WDR44: variants seen among roughly 807,000 people sequenced by gnomAD.
The protein encoded by WDR44 is WD repeat-containing protein 44.
A neutral mutation model predicts 65.7 loss-of-function variants in WDR44; 9 were observed. The ratio of observed to expected loss-of-function variants is 0.14; its 90% confidence interval spans 0.08 to 0.24. The LOEUF is 0.24. Among genes scored for constraint, WDR44 ranks in the 10% least tolerant of loss-of-function variants. The pLI is 1.00. For synonymous variants in WDR44, 220 were observed against 235.2 expected (o/e 0.94, Z 0.59); for missense variants, 425 against 670.9 (o/e 0.63, Z 4.05).
chrX:118,348,786 T>G (rs1442802450), intron 1 of WDR44, among the ~76,000 whole-genome samples: 3 of 111,884 alleles, frequency 2.7e-5, no homozygotes, highest in Non-Finnish European at 5.6e-5. Context: ...ATATTGGTCA[T>G]CAGAAATATG....
intron 9 of WDR44, among the ~76,000 whole-genome samples, chrX:118,405,278 C>T (rs1231956102): frequency 2.8e-5 from 3 of 105,955 alleles, no homozygotes; most frequent in Non-Finnish European, 5.8e-5. Flanking sequence ...TCAGGTGATC[C>T]ACCCACTTCT....
chrX:118,391,869 T>C (rs5956049), intron 3 of WDR44, among the ~76,000 whole-genome samples: 47,280 of 109,793 alleles, frequency 0.43, 10,631 homozygotes, highest in African/African-American at 0.85. Context: ...ATCTCAGCTT[T>C]TAGGGAGGCT....
rs1467002083 is a variant in WDR44, at chrX:118,406,887, A to T, written c.1394A>T (p.Asp465Val). 8.3e-7 allele frequency: 1 copy of T among 1,209,512 alleles called. No homozygotes were observed. Among genetic ancestry groups the T allele is most frequent in the Non-Finnish European group, 1.1e-6 (1 of 894,277 alleles). The part of the protein sequence containing the change: ...KSVRDEVFHT[D>V]QDDPSSSDDE... ...CTTTTCTGTTCAGTGTTTCATACTG[A>T]TCAAGATGATCCTTCATCAAGTGAT... Residue 465 changes from aspartate (D) to valine (V), a missense_variant, in exon 10 of 20, where the codon GAT becomes GTT. By Grantham distance (152) the Asp-to-Val change is radical. Coordinates refer to ENST00000254029, the MANE Select transcript of WDR44 (RefSeq NM_019045.5).
intron 19 of WDR44, 66 bp downstream of exon 19, chrX:118,444,560 A>T: frequency 9.0e-7 from 1 of 1,115,078 alleles, no homozygotes; most frequent in Non-Finnish European, 1.2e-6. Flanking sequence ...ATCTCATTTG[A>T]GTATAATAAG....
chrX:118,378,382 C>G, intron 1 of WDR44, 37 bp from the exon 2 acceptor site: 1 of 1,163,258 alleles, frequency 8.6e-7, no homozygotes, highest in Non-Finnish European at 1.2e-6. Context: ...TTCTCATCTC[C>G]TCTATTCAAC....
intron 3 of WDR44, among the ~76,000 whole-genome samples, chrX:118,391,668 C>T (rs749972732): frequency 9.0e-6 from 1 of 111,628 alleles, no homozygotes; most frequent in African/African-American, 3.2e-5. Context: ...TAATAGAAAG[C>T]CTGTTTATAT....
chrX:118,387,452 A>G, intron 3 of WDR44, 38 bp downstream of exon 3: 1 of 1,008,880 alleles, frequency 9.9e-7, no homozygotes, highest in Non-Finnish European at 1.4e-6. Context: ...TTTATAGCAG[A>G]CATCATATTT....
chrX:118,402,233 C>T (rs1345881767), intron 8 of WDR44, among the ~76,000 whole-genome samples: 3 of 102,472 alleles, frequency 2.9e-5, no homozygotes, highest in Admixed American at 1.1e-4. Context: ...CAGGAGTTCA[C>T]GACCAGCCCG....
chrX:118,359,205 A>T (rs2802604), intron 1 of WDR44, among the ~76,000 whole-genome samples: 11,763 of 112,086 alleles, frequency 0.1, 629 homozygotes, highest in Admixed American at 0.25. Context: ...TGATTTCTCT[A>T]GGCAGGCATA....
rs2057375754 is a variant in WDR44, at chrX:118,449,845, G to A, written c.*858G>A. 1 of 111,867 alleles carries A rather than the reference G, an allele frequency of 8.9e-6. No homozygotes were observed. The allele number at this position is 111,867 out of a possible 1,213,427, so 9.2% of individuals were successfully genotyped here. On this transcript the variant is annotated 3_prime_UTR_variant, in exon 20 of 20. Coordinates refer to ENST00000254029, the MANE Select transcript of WDR44 (RefSeq NM_019045.5). ...AAGCCTTTGTAAATATCAATATAAT[G>A]TACCAATGAAATAACATCTGGGGCA...
chrX:118,364,594 A>T (rs905858678), intron 1 of WDR44, among the ~76,000 whole-genome samples: 6 of 112,470 alleles, frequency 5.3e-5, no homozygotes, highest in Non-Finnish European at 1.1e-4. Context: ...CACATGGTAG[A>T]TAACCAATAA....
At chrX:118,358,190 A>G (rs1453183931) in intron 1 of WDR44, among the ~76,000 whole-genome samples, 4 of 112,329 alleles carry the variant, frequency 3.6e-5, no homozygotes. Context: ...TTAATTTGAG[A>G]AAACTGTTTA....
chrX:118,349,676 G>T (rs1477949830), intron 1 of WDR44, among the ~76,000 whole-genome samples: 1 of 110,319 alleles, frequency 9.1e-6, no homozygotes, highest in East Asian at 2.8e-4. Flanking sequence ...TCCTGCCTCA[G>T]CCTCCTGAGT....
intron 5 of WDR44, among the ~76,000 whole-genome samples, 181 bp from the exon 6 acceptor site, chrX:118,395,068 G>T (rs1341640530): frequency 9.0e-6 from 1 of 111,647 alleles, no homozygotes; most frequent in Non-Finnish European, 1.9e-5. Context: ...CAATAGTTTT[G>T]GTTCCTAATG....
At chrX:118,382,757 AC>A (rs975459109) in intron 2 of WDR44, among the ~76,000 whole-genome samples, 1 of 112,076 alleles carries the variant, frequency 8.9e-6, no homozygotes, top group African/African-American at 3.2e-5. Context: ...GGTAACTGTT[AC>A]ATGAATTGCT....
intron 1 of WDR44, among the ~76,000 whole-genome samples, chrX:118,358,486 T>C (rs942261337): frequency 3.6e-4 from 40 of 111,737 alleles, no homozygotes; most frequent in African/African-American, 1.3e-3. Context: ...ACGGATCACT[T>C]GAAGCCAGGA....
At chrX:118,408,665 C>T (rs1316771280) in intron 10 of WDR44, among the ~76,000 whole-genome samples, 3 of 108,553 alleles carry the variant, frequency 2.8e-5, no homozygotes, top group Non-Finnish European at 5.6e-5. Context: ...TCCCAAAGTG[C>T]TGGGATTACA....
At chrX:118,362,113 G>A (rs2056517307) in intron 1 of WDR44, among the ~76,000 whole-genome samples, 1 of 112,028 alleles carries the variant, frequency 8.9e-6, no homozygotes, top group South Asian at 3.7e-4. Context: ...TGCTTCAGCT[G>A]TGGGAAAATT....
chrX:118,364,617 T>C (rs2056538560), intron 1 of WDR44, among the ~76,000 whole-genome samples: 1 of 112,463 alleles, frequency 8.9e-6, no homozygotes, highest in Admixed American at 9.4e-5. Context: ...ATTTGTTGAC[T>C]GAATGAAGGG....
Sources: allele counts gnomAD v4.1 joint callset (sites outside exome capture counted in the v4.1 genomes callset), GRCh38; gene constraint gnomAD v4.1.1; transcripts MANE v1.5; gene names NCBI Gene and HGNC (gene_info 2026-07-23, HGNC 2026-07-21).